Variants in RPS6KB1 observed in about 807,000 individuals in gnomAD.
RPS6KB1 encodes ribosomal protein S6 kinase B1.
Under a neutral mutation model 70.2 loss-of-function variants are expected in RPS6KB1, and 12 were observed. The observed-to-expected ratio is 0.17, with a 90% CI of 0.11 to 0.28. The LOEUF (loss-of-function observed/expected upper bound fraction) is 0.28. RPS6KB1 is among the 10% of genes least tolerant of loss of function. RPS6KB1 has a pLI of 1.00. For synonymous variants in RPS6KB1, 175 were observed against 211.2 expected (o/e 0.83, Z 1.49); for missense variants, 270 against 646.6 (o/e 0.42, Z 6.32).
intron 1 of RPS6KB1, among the ~76,000 whole-genome samples, chr17:59,896,343 G>A (rs1448225183): frequency 1.3e-5 from 2 of 151,930 alleles, no homozygotes; most frequent in African/African-American, 2.4e-5. Context: ...ACAGGCACCC[G>A]CCACCAGGCC....
rs2044164639 is a variant in RPS6KB1 at position 59,935,317 on chromosome 17, G to T, written c.978+17G>T. On this transcript the variant is annotated intron_variant, in intron 10 of 14. Coordinates refer to ENST00000225577, the MANE Select transcript of RPS6KB1 (RefSeq NM_003161.4). The stretch of plus-strand genomic sequence containing the variant: ...CTTAAAAAGGTAAGGTTCTTAAATG[G>T]TCACTGACACTACAAGATTCAATGA... 7.5e-7 allele frequency: 1 copy of T among 1,336,112 alleles called. No homozygotes were observed. Among genetic ancestry groups the T allele is most frequent in the African/African-American group, 1.4e-5 (1 of 69,360 alleles). The allele number at this position is 1,336,112 out of a possible 1,614,324, so 82.8% of individuals were successfully genotyped here.
chr17:59,944,085 G>C (rs1239879431), intron 13 of RPS6KB1, among the ~76,000 whole-genome samples: 3 of 152,010 alleles, frequency 2.0e-5, no homozygotes, highest in African/African-American at 4.8e-5. Flanking sequence ...CCTCTTGGTA[G>C]TTACAGCTTT....
chr17:59,895,017 G>GT (rs1488539759), intron 1 of RPS6KB1, among the ~76,000 whole-genome samples: 2 of 145,366 alleles, frequency 1.4e-5, no homozygotes, highest in African/African-American at 5.2e-5. Flanking sequence ...TTTCTTTCTG[G>GT]TTTTTTTGTT....
At chr17:59,901,407 C>T (rs2041932244) in intron 1 of RPS6KB1, among the ~76,000 whole-genome samples, 1 of 151,128 alleles carries the variant, frequency 6.6e-6, no homozygotes, top group Non-Finnish European at 1.5e-5. Flanking sequence ...CCTCAGCCTC[C>T]TAAAGTGCTG....
chr17:59,938,811 A>G (rs1276746518), intron 12 of RPS6KB1, among the ~76,000 whole-genome samples: 1 of 151,040 alleles, frequency 6.6e-6, no homozygotes, highest in Non-Finnish European at 1.5e-5. Context: ...TAATTTGGCA[A>G]TGTCTGGAGA....
At chr17:59,915,110 T>C (rs966021447) in intron 4 of RPS6KB1, among the ~76,000 whole-genome samples, 7 of 151,460 alleles carry the variant, frequency 4.6e-5, no homozygotes, top group Non-Finnish European at 4.4e-5. Context: ...TGCCTCAGCC[T>C]CCCGAGTAGC....
rs1030953762 is a variant in RPS6KB1, at chr17:59,948,551, A to G, written c.*1763A>G. The stretch of plus-strand genomic sequence containing the variant: ...CTCAAATGAGATGGGATGAAATCCT[A>G]TGACAGTAAGCAAAAACAGAACCAT... On this transcript the variant is annotated 3_prime_UTR_variant, in exon 15 of 15. Coordinates refer to ENST00000225577, the MANE Select transcript of RPS6KB1 (RefSeq NM_003161.4). 1 of 152,626 alleles carries G rather than the reference A, an allele frequency of 6.6e-6. No homozygotes were observed. Among genetic ancestry groups the G allele is most frequent in the African/African-American group, 2.4e-5 (1 of 41,450 alleles). 9.5% of individuals were successfully genotyped at this position (152,626 alleles called of 1,614,324 possible). A position where few individuals can be genotyped will look rare whatever the true frequency, so the allele number is the denominator to read the frequency against.
In RPS6KB1 at chr17:59,946,537, T is replaced by TC; in HGVS notation, c.1341-12dup. 6.2e-7 allele frequency: 1 copy of TC among 1,603,732 alleles called. No homozygotes were observed. The highest frequency in any genetic ancestry group is 8.5e-7 in the Non-Finnish European group (1 of 1,170,590). On this transcript the variant is annotated splice_polypyrimidine_tract_variant and intron_variant, in intron 14 of 14. Transcript: ENST00000225577. This position sits in a 1 kb window ranked among gnomAD's most constrained non-coding sequence, Gnocchi z 4.2. Reference sequence around the variant, plus strand: ...CCTTAAGCAAATGAATGATAGCTCTTCCTTGTCTTAAAGCCCAGTCAAATT... The same window carrying TC: ...CCTTAAGCAAATGAATGATAGCTCTTCCCTTGTCTTAAAGCCCAGTCAAATT...
At chr17:59,929,222 C>G (rs1373289632) in intron 5 of RPS6KB1, among the ~76,000 whole-genome samples, 1 of 152,020 alleles carries the variant, frequency 6.6e-6, no homozygotes, top group African/African-American at 2.4e-5. Context: ...CCTCCACCTC[C>G]CAGGTTCAAG....
At chr17:59,910,085 G>A (rs2042543584) in intron 1 of RPS6KB1, among the ~76,000 whole-genome samples, 1 of 151,858 alleles carries the variant, frequency 6.6e-6, no homozygotes, top group Admixed American at 6.6e-5. Flanking sequence ...TACTCAGGAG[G>A]CTGAGGTAGG....
intron 12 of RPS6KB1, among the ~76,000 whole-genome samples, chr17:59,939,141 A>G (rs916127784): frequency 5.5e-4 from 84 of 151,884 alleles, no homozygotes; most frequent in African/African-American, 1.8e-3. Flanking sequence ...CAAAATAATG[A>G]ATTAGTTCCC....
chr17:59,917,413 G>A lies in RPS6KB1; in HGVS notation c.381+2710G>A, dbSNP rs546876635. Among the ~76,000 whole-genome samples the A allele has an allele frequency of 3.5e-3, 530 of 152,010 alleles. 3 individuals carry two copies. Among genetic ancestry groups the A allele is most frequent in the African/African-American group, 0.012 (505 of 41,436 alleles). ...TTGGATTACAGGTATGGCCCACTGCGCCCGGCCTATTTAATTAAATTAATT... is the reference window on the plus strand; with the variant it reads ...TTGGATTACAGGTATGGCCCACTGCACCCGGCCTATTTAATTAAATTAATT... On this transcript the variant is annotated intron_variant, in intron 4 of 14. Transcript: ENST00000225577.
At position 59,934,700 on chromosome 17, in the gene RPS6KB1, C is replaced by T. The variant is rs193102115; in HGVS notation, c.870+176C>T. The T allele has an allele frequency of 4.0e-5, 21 of 527,716 alleles. No individual in the cohort carries two copies. Among genetic ancestry groups the T allele is most frequent in the African/African-American group, 3.4e-4 (18 of 52,670 alleles). The allele number at this position is 527,716 out of a possible 1,614,324, so 32.7% of individuals were successfully genotyped here. A position where few individuals can be genotyped will look rare whatever the true frequency, so the allele number is the denominator to read the frequency against. On this transcript the variant is annotated intron_variant, in intron 9 of 14. Transcript: ENST00000225577. This position sits in a 1 kb window ranked among gnomAD's most constrained non-coding sequence, Gnocchi z 4.8. The stretch of plus-strand genomic sequence containing the variant: ...TGATTATATGGGATCCCATACTTTC[C>T]GAAACATTTTCTTTTAAATGATCTA...
chr17:59,942,068 C>G (rs1236239772), intron 13 of RPS6KB1, among the ~76,000 whole-genome samples: 1 of 152,038 alleles, frequency 6.6e-6, no homozygotes, highest in Non-Finnish European at 1.5e-5. Flanking sequence ...TCGTGTTAGC[C>G]AGGATAGTTT....
chr17:59,907,330 G>A (rs1456265672), intron 1 of RPS6KB1: 1 of 152,042 alleles, frequency 6.6e-6, no homozygotes, highest in Non-Finnish European at 1.5e-5. Flanking sequence ...ATGAAATTTA[G>A]GATCAGCTTG....
At chr17:59,899,206 G>A (rs2645480) in intron 1 of RPS6KB1, among the ~76,000 whole-genome samples, 49,408 of 135,760 alleles carry the variant, frequency 0.36, 8,339 homozygotes, top group East Asian at 0.47. Flanking sequence ...CTTCGTCTCA[G>A]AAAAAAAAAA....
chr17:59,943,860 C>G (rs558750872), intron 13 of RPS6KB1, among the ~76,000 whole-genome samples: 1 of 133,454 alleles, frequency 7.5e-6, no homozygotes, highest in Admixed American at 8.0e-5. Flanking sequence ...GGCGACAGAG[C>G]TAGAATCCAT....
In RPS6KB1 at chr17:59,933,202, CT is replaced by C. The variant is rs879488247; in HGVS notation, c.689-954del. Among the ~76,000 whole-genome samples, 625 of 141,412 alleles carry C rather than the reference CT, an allele frequency of 4.4e-3. 4 individuals are homozygous for C. The highest frequency in any genetic ancestry group is 8.7e-3 in the African/African-American group (340 of 38,910). 92.8% of individuals were successfully genotyped at this position (141,412 alleles called of 152,430 possible). A position where few individuals can be genotyped will look rare whatever the true frequency, so the allele number is the denominator to read the frequency against. ...TTCCAGATTATACTCCTCCACCCAC[CT>C]TTTTTTTTTTTTTAAGGAGAAATGA... is the stretch of plus-strand genomic sequence containing the variant. On this transcript the variant is annotated intron_variant, in intron 7 of 14. Coordinates refer to ENST00000225577, the MANE Select transcript of RPS6KB1 (RefSeq NM_003161.4).
intron 4 of RPS6KB1, among the ~76,000 whole-genome samples, chr17:59,919,658 C>T (rs1036493513): frequency 6.6e-5 from 10 of 151,746 alleles, no homozygotes; most frequent in Non-Finnish European, 1.3e-4. Flanking sequence ...TGGATCTAAT[C>T]TTTCACTTTT....
Sources: allele counts gnomAD v4.1 joint callset (sites outside exome capture counted in the v4.1 genomes callset), GRCh38; gene constraint gnomAD v4.1.1; non-coding constraint Gnocchi (gnomAD v3.1); transcripts MANE v1.5; gene names NCBI Gene and HGNC (gene_info 2026-07-23, HGNC 2026-07-21).